ABTB3: variants seen among roughly 807,000 people sequenced by gnomAD.
ABTB3 encodes ankyrin repeat- and BTB/POZ domain-containing protein 3.
At chr12:107,486,123 A>G in the ABTB3 span, among the ~76,000 whole-genome samples, 1 of 152,132 alleles carries the variant, frequency 6.6e-6, no homozygotes, top group Non-Finnish European at 1.5e-5. Flanking sequence ...GACTAGTGGG[A>G]GGTGTTTGGG....
the ABTB3 span, among the ~76,000 whole-genome samples, chr12:107,540,079 T>G: frequency 6.6e-6 from 1 of 152,170 alleles, no homozygotes; most frequent in Non-Finnish European, 1.5e-5. Flanking sequence ...ACCCCCTGCG[T>G]TAGTCTATTT....
chr12:107,339,454 A>T, the ABTB3 span, among the ~76,000 whole-genome samples: 1 of 152,148 alleles, frequency 6.6e-6, no homozygotes, highest in Non-Finnish European at 1.5e-5. Flanking sequence ...GATTGTCACA[A>T]TCAAAATCTT....
the ABTB3 span, among the ~76,000 whole-genome samples, chr12:107,365,221 A>C: frequency 1.3e-5 from 2 of 152,322 alleles, no homozygotes; most frequent in African/African-American, 4.8e-5. Context: ...TAATAGATAT[A>C]AAGTGTTTGC....
chr12:107,558,178 C>G, the ABTB3 span, among the ~76,000 whole-genome samples: 1 of 152,228 alleles, frequency 6.6e-6, no homozygotes, highest in African/African-American at 2.4e-5. Flanking sequence ...GTGGGGGACG[C>G]ATAGACCAAC....
the ABTB3 span, among the ~76,000 whole-genome samples, chr12:107,474,704 A>G: frequency 6.6e-6 from 1 of 152,086 alleles, no homozygotes; most frequent in South Asian, 2.1e-4. Context: ...ATGAGAGAGA[A>G]CAATAGGAAA....
At chr12:107,503,051 C>CT in the ABTB3 span, among the ~76,000 whole-genome samples, 1 of 152,130 alleles carries the variant, frequency 6.6e-6, no homozygotes, top group Non-Finnish European at 1.5e-5. Flanking sequence ...CATGCCAGGC[C>CT]TTATAGGGTC....
At chr12:107,449,001 C>T in the ABTB3 span, among the ~76,000 whole-genome samples, 2 of 152,220 alleles carry the variant, frequency 1.3e-5, no homozygotes, top group Non-Finnish European at 2.9e-5. Flanking sequence ...GCAGTTCTGA[C>T]AAGTAAGGGG....
chr12:107,417,563 A>G, the ABTB3 span, among the ~76,000 whole-genome samples: 1 of 152,232 alleles, frequency 6.6e-6, no homozygotes, highest in Non-Finnish European at 1.5e-5. Flanking sequence ...AAACAACCTC[A>G]GGCAAGTTAT....
the ABTB3 span, among the ~76,000 whole-genome samples, chr12:107,358,934 C>T: frequency 5.3e-5 from 8 of 152,186 alleles, no homozygotes; most frequent in African/African-American, 1.9e-4. Flanking sequence ...CTGAAACCCA[C>T]TAAAATGTGG....
the ABTB3 span, among the ~76,000 whole-genome samples, chr12:107,332,254 G>T: frequency 2.0e-5 from 3 of 152,190 alleles, no homozygotes; most frequent in African/African-American, 7.2e-5. Context: ...AGTTGGACTT[G>T]TCTAATGAGG....
chr12:107,653,973 C>G, the ABTB3 span, among the ~76,000 whole-genome samples: 11 of 152,304 alleles, frequency 7.2e-5, no homozygotes, highest in East Asian at 1.4e-3. Flanking sequence ...CGGGTATTTA[C>G]CATTCTACTT....
chr12:107,320,220 A>G, the ABTB3 span: 1 of 1,283,516 alleles, frequency 7.8e-7, no homozygotes, highest in Admixed American at 3.5e-5. Context: ...GGAGGTAGCC[A>G]GAACAAGAGG....
chr12:107,647,220 C>T, the ABTB3 span, among the ~76,000 whole-genome samples: 2 of 152,166 alleles, frequency 1.3e-5, no homozygotes, highest in Non-Finnish European at 2.9e-5. Flanking sequence ...GTCCCAGCTA[C>T]TCAGGAGGCT....
the ABTB3 span, among the ~76,000 whole-genome samples, chr12:107,352,427 A>C: frequency 6.6e-6 from 1 of 152,140 alleles, no homozygotes; most frequent in African/African-American, 2.4e-5. Context: ...AATAAACAGG[A>C]ACCACATTGT....
chr12:107,571,627 G>A, the ABTB3 span, among the ~76,000 whole-genome samples: 3 of 152,250 alleles, frequency 2.0e-5, no homozygotes, highest in Non-Finnish European at 2.9e-5. Flanking sequence ...CCTGCAAGGC[G>A]TGTTTCGCGG....
chr12:107,498,786 T>G, the ABTB3 span, among the ~76,000 whole-genome samples: 1 of 152,300 alleles, frequency 6.6e-6, no homozygotes, highest in South Asian at 2.1e-4. Flanking sequence ...ACCCACTACC[T>G]TGACTCTCTC....
chr12:107,353,281 G>A, the ABTB3 span, among the ~76,000 whole-genome samples: 2 of 152,158 alleles, frequency 1.3e-5, no homozygotes, highest in Admixed American at 6.5e-5. Flanking sequence ...AGAACCATAT[G>A]ACACCATGTG....
At chr12:107,589,246 T>C in the ABTB3 span, among the ~76,000 whole-genome samples, 3 of 152,328 alleles carry the variant, frequency 2.0e-5, no homozygotes, top group East Asian at 5.8e-4. Context: ...CCAAAAACAA[T>C]AGCCTCATTG....
At chr12:107,402,427 G>C in the ABTB3 span, among the ~76,000 whole-genome samples, 1 of 152,172 alleles carries the variant, frequency 6.6e-6, no homozygotes, top group Non-Finnish European at 1.5e-5. Context: ...TCTGTAAAGT[G>C]GTCCTCCTGA....
Sources: allele counts gnomAD v4.1 joint callset (sites outside exome capture counted in the v4.1 genomes callset), GRCh38; gene constraint gnomAD v4.1.1; transcripts MANE v1.5; gene names NCBI Gene and HGNC (gene_info 2026-07-23, HGNC 2026-07-21).